ADAMTS18: variants seen among roughly 807,000 people sequenced by gnomAD.
ADAMTS18 encodes the protein A disintegrin and metalloproteinase with thrombospondin motifs 18.
A neutral mutation model predicts 165.9 loss-of-function variants in ADAMTS18; 157 were observed. That is an observed-to-expected ratio of 0.95 (90% CI 0.83 to 1.08). The LOEUF (loss-of-function observed/expected upper bound fraction) is 1.08, where lower values mean the gene tolerates loss of function less well. Ranked by LOEUF, ADAMTS18 falls within the 50% of genes least tolerant of loss-of-function variation. ADAMTS18 has a pLI of 0.00. For synonymous variants in ADAMTS18, 782 were observed against 578.2 expected (o/e 1.35, Z -5.06); for missense variants, 2,040 against 1,534.0 (o/e 1.33, Z -5.51).
chr16:77,295,272 G>C (rs1329729958), intron 18 of ADAMTS18, 145 bp from the exon 19 acceptor site: 1 of 816,674 alleles, frequency 1.2e-6, no homozygotes, highest in South Asian at 1.5e-5. Context: ...TGTTCTTTGA[G>C]GGATCCAGAG....
rs149346461 is a variant in ADAMTS18 at position 77,320,083 on chromosome 16, C to T, written c.2298G>A (p.Pro766=). 2.9e-4 allele frequency: 468 copies of T among 1,614,004 alleles called. 2 individuals are homozygous for T. The African/African-American group carries it at 4.9e-3, about 17-fold the overall frequency. Residue 766 remains proline (P), a synonymous_variant, in exon 16 of 23, where the codon CCG becomes CCA. Transcript: ENST00000282849. ...LNQHKANEYY[P]VVLIPAGARS... ...GGGCGCCAGCTGGAATGAGGACCAC[C>T]GGATAATATTCTAAATGGAAAGAAG... is the stretch of plus-strand genomic sequence containing the variant.
At chr16:77,357,509 A>G (rs1389177592) in intron 8 of ADAMTS18, among the ~76,000 whole-genome samples, 1 of 152,220 alleles carries the variant, frequency 6.6e-6, no homozygotes. Context: ...ATATTTGTGA[A>G]AGTAAAAAAC....
In ADAMTS18 at chr16:77,322,406, G is replaced by C; in HGVS notation, c.2093C>G (p.Ser698Cys). ...GGGAGTTCCATCTTTCACTTTGCCG[G>C]ACATTGCAAAAAAAAATTCAAAGTT... ...AENFEFFFAM[S>C]GKVKDGTPCS... The change falls in exon 14 of 23, where the codon TCC becomes TGC. Residue 698 changes from serine to cysteine, a missense_variant. Physicochemically the swap from Ser to Cys is moderately radical, Grantham distance 112. Coordinates refer to ENST00000282849, the MANE Select transcript of ADAMTS18 (RefSeq NM_199355.4). 2 of 1,613,734 alleles carry C rather than the reference G, an allele frequency of 1.2e-6. No individual in the cohort carries two copies. The highest frequency in any genetic ancestry group is 1.7e-6 in the Non-Finnish European group (2 of 1,179,932).
intron 8 of ADAMTS18, among the ~76,000 whole-genome samples, chr16:77,358,131 T>C (rs999392592): frequency 3.3e-5 from 5 of 152,232 alleles, no homozygotes; most frequent in African/African-American, 1.2e-4. Flanking sequence ...ATTTACAATT[T>C]TAAAAATTGG....
chr16:77,306,926 C>G (rs1567469001), intron 16 of ADAMTS18, among the ~76,000 whole-genome samples: 1 of 152,170 alleles, frequency 6.6e-6, no homozygotes, highest in Non-Finnish European at 1.5e-5. Context: ...CATTGCCTCT[C>G]AAGCTTTGAA....
rs752976883 is a variant in ADAMTS18, at chr16:77,289,264, C to T, written c.3550G>A (p.Glu1184Lys). ...TNFCPAPEKR[E>K]DPSCVDFFNW... is the part of the protein sequence containing the mutation. Reference sequence around the variant, plus strand: ...TGACTGGAGCATGGTGCCTTTTTACCTCTCTTTTCAGGAGCTGGACAGAAG... The same window carrying T: ...TGACTGGAGCATGGTGCCTTTTTACTTCTCTTTTCAGGAGCTGGACAGAAG... Residue 1184 changes from glutamate to lysine, a missense_variant and splice_region_variant, in exon 22 of 23, where the codon GAG becomes AAG. By Grantham distance (56) the Glu-to-Lys change is moderately conservative. Coordinates refer to ENST00000282849, the MANE Select transcript of ADAMTS18 (RefSeq NM_199355.4). The T allele has an allele frequency of 6.2e-7, 1 of 1,613,972 alleles. No individual in the cohort carries two copies. The highest frequency in any genetic ancestry group is 1.7e-5 in the Admixed American group (1 of 59,996).
intron 3 of ADAMTS18, among the ~76,000 whole-genome samples, chr16:77,384,045 T>C (rs1016249127): frequency 4.7e-5 from 7 of 149,308 alleles, no homozygotes; most frequent in Non-Finnish European, 4.5e-5. Context: ...ATCCCTCCTA[T>C]TAGCTCCTTA....
chr16:77,305,353 G>T (rs1048830899), intron 16 of ADAMTS18, among the ~76,000 whole-genome samples: 1 of 151,864 alleles, frequency 6.6e-6, no homozygotes, highest in Admixed American at 6.6e-5. Flanking sequence ...CTTTCACCCT[G>T]TTCTTAAAAA....
intron 11 of ADAMTS18, among the ~76,000 whole-genome samples, chr16:77,336,299 G>A (rs897035218): frequency 5.9e-5 from 9 of 152,086 alleles, no homozygotes; most frequent in African/African-American, 2.2e-4. Context: ...GGAAGAAACA[G>A]TTAAGATATT....
chr16:77,350,303 G>A (rs2144706284), intron 10 of ADAMTS18, among the ~76,000 whole-genome samples: 1 of 152,292 alleles, frequency 6.6e-6, no homozygotes. Flanking sequence ...GAAAGGAGGG[G>A]AGGATGGGGA....
chr16:77,418,587 C>A (rs1035937030), intron 3 of ADAMTS18, among the ~76,000 whole-genome samples: 1 of 152,202 alleles, frequency 6.6e-6, no homozygotes, highest in Non-Finnish European at 1.5e-5. Context: ...ATTATCCATT[C>A]TAACACATCA....
chr16:77,285,760 A>ATTTCT (rs1173031684), intron 22 of ADAMTS18, among the ~76,000 whole-genome samples: 3 of 152,116 alleles, frequency 2.0e-5, no homozygotes, highest in Non-Finnish European at 4.4e-5. Context: ...CCTTGGAATC[A>ATTTCT]TTTCTTTGCT....
chr16:77,427,933 G>A (rs937697956), intron 3 of ADAMTS18, among the ~76,000 whole-genome samples: 3 of 152,190 alleles, frequency 2.0e-5, no homozygotes, highest in Non-Finnish European at 4.4e-5. Context: ...ACGTACATAC[G>A]TATTCACTAT....
At chr16:77,347,260 T>G (rs1377095121) in intron 10 of ADAMTS18, among the ~76,000 whole-genome samples, 2 of 152,206 alleles carry the variant, frequency 1.3e-5, no homozygotes, top group East Asian at 3.9e-4. Context: ...GCTGAGAATG[T>G]TCTTGGACAA....
chr16:77,362,842 T>C (rs1292460691), intron 6 of ADAMTS18, among the ~76,000 whole-genome samples: 6 of 152,218 alleles, frequency 3.9e-5, no homozygotes, highest in African/African-American at 1.2e-4. Context: ...TTAGACAAGA[T>C]CTTTAATTAT....
intron 3 of ADAMTS18, among the ~76,000 whole-genome samples, chr16:77,400,472 G>GTC (rs1437213374): frequency 8.6e-6 from 1 of 115,876 alleles, no homozygotes; most frequent in Non-Finnish European, 2.1e-5. Context: ...GTGTGTGTGT[G>GTC]TGTGTGTGTT....
intron 3 of ADAMTS18, among the ~76,000 whole-genome samples, chr16:77,412,202 T>A (rs1158530907): frequency 1.3e-5 from 2 of 152,182 alleles, no homozygotes; most frequent in East Asian, 3.9e-4. Flanking sequence ...GGGATATGCA[T>A]CTTCTGCTGC....
intron 16 of ADAMTS18, among the ~76,000 whole-genome samples, chr16:77,311,848 T>G (rs1357388919): frequency 6.6e-6 from 1 of 152,160 alleles, no homozygotes; most frequent in African/African-American, 2.4e-5. Context: ...GACATTAAGT[T>G]TTTCTTGAAT....
Position 77,401,015 on chromosome 16 carries a change from G to T in ADAMTS18, c.495+30280C>A, listed in dbSNP as rs945965188. 7.2e-5 allele frequency among the ~76,000 whole-genome samples: 11 copies of T among 152,122 alleles called. 1 individual carries two copies. In the East Asian group the frequency reaches 2.1e-3, roughly 30 times the overall value. ...TCAGGCCTGTAATTCTAGCACTTTG[G>T]GAGGCTGAGGTGGGTGGATCACCTG... On this transcript the variant is annotated intron_variant, in intron 3 of 22. Coordinates refer to ENST00000282849, the MANE Select transcript of ADAMTS18 (RefSeq NM_199355.4).
Sources: gnomAD v4.1 joint callset for allele counts (sites outside exome capture counted in the v4.1 genomes callset) on GRCh38, gnomAD v4.1.1 for gene constraint, MANE v1.5 for transcripts, NCBI Gene and HGNC (gene_info 2026-07-23, HGNC 2026-07-21) for gene names.